Variants in SLC38A9 observed in about 807,000 individuals in gnomAD.
SLC38A9 encodes the protein neutral amino acid transporter 9.
A neutral mutation model predicts 62.3 loss-of-function variants in SLC38A9; 48 were observed. The ratio of observed to expected loss-of-function variants is 0.77; its 90% confidence interval spans 0.61 to 0.98. The LOEUF (loss-of-function observed/expected upper bound fraction) is 0.98, where lower values mean the gene tolerates loss of function less well. Ranked by LOEUF, SLC38A9 falls within the 50% of genes least tolerant of loss-of-function variation. The pLI is 0.00. For missense variants in SLC38A9, 541 were observed against 679.8 expected (o/e 0.80, Z 2.27); for synonymous variants, 204 against 227.7 (o/e 0.90, Z 0.94).
intron 3 of SLC38A9, chr5:55,673,228 C>G (rs986123379): frequency 4.6e-5 from 7 of 152,562 alleles, no homozygotes; most frequent in African/African-American, 1.7e-4. Context: ...ACTTATCCAA[C>G]TCAGTATAAA....
At chr5:55,630,714 T>C (rs1343867441) in intron 14 of SLC38A9, among the ~76,000 whole-genome samples, 1 of 152,220 alleles carries the variant, frequency 6.6e-6, no homozygotes, top group Non-Finnish European at 1.5e-5. Flanking sequence ...GATGTTTTCA[T>C]ACAGGCATGT....
In SLC38A9 at chr5:55,679,820, T is replaced by C. The variant is rs79288410; in HGVS notation, c.114-7125A>G. 7.7e-3 allele frequency among the ~76,000 whole-genome samples: 1,176 copies of C among 152,350 alleles called. 12 individuals are homozygous for C. Among genetic ancestry groups the C allele is most frequent in the African/African-American group, 0.026 (1,077 of 41,582 alleles). On this transcript the variant is annotated intron_variant, in intron 3 of 15. Transcript: ENST00000396865. ...ACATTCCACAAAGGAAAATTAGGAA[T>C]GTGGAAAAAATTCCCAAGTGGGAAA... is the stretch of plus-strand genomic sequence containing the variant.
chr5:55,628,619 T>G (rs934435938), intron 14 of SLC38A9, among the ~76,000 whole-genome samples: 4 of 152,222 alleles, frequency 2.6e-5, no homozygotes, highest in African/African-American at 7.2e-5. Context: ...TACTTTTATA[T>G]TAAACACATT....
chr5:55,680,716 C>T (rs1455555594), intron 3 of SLC38A9, among the ~76,000 whole-genome samples: 1 of 152,248 alleles, frequency 6.6e-6, no homozygotes, highest in Non-Finnish European at 1.5e-5. Flanking sequence ...TAGAAATCCT[C>T]ATCATAGCTC....
chr5:55,703,032 A>G (rs1481889839), intron 2 of SLC38A9: 1 of 152,312 alleles, frequency 6.6e-6, no homozygotes, highest in Non-Finnish European at 1.5e-5. Flanking sequence ...AGGGAGTGTG[A>G]TGGTAAAAAT....
chr5:55,707,281 A>T (rs534801821), intron 2 of SLC38A9, among the ~76,000 whole-genome samples: 1 of 152,318 alleles, frequency 6.6e-6, no homozygotes, highest in Non-Finnish European at 1.5e-5. Flanking sequence ...TTCCACAGCA[A>T]ATATTACATA....
chr5:55,682,026 G>C (rs1417795584), intron 3 of SLC38A9, among the ~76,000 whole-genome samples: 1 of 148,256 alleles, frequency 6.7e-6, no homozygotes, highest in Non-Finnish European at 1.5e-5. Flanking sequence ...ACCATCTTAA[G>C]GCCCCCTTAA....
chr5:55,672,467 A>G, intron 4 of SLC38A9, 96 bp downstream of exon 4: 1 of 1,387,212 alleles, frequency 7.2e-7, no homozygotes, highest in Admixed American at 2.0e-5. Context: ...AAATACAGTC[A>G]GAAAGAAGTT....
intron 7 of SLC38A9, among the ~76,000 whole-genome samples, chr5:55,666,258 T>C (rs1347572565): frequency 6.6e-6 from 1 of 152,208 alleles, no homozygotes; most frequent in Non-Finnish European, 1.5e-5. Context: ...TAAAACCATT[T>C]GCTTTTCCAT....
At chr5:55,699,276 C>G (rs1305342862) in intron 2 of SLC38A9, among the ~76,000 whole-genome samples, 2 of 152,054 alleles carry the variant, frequency 1.3e-5, no homozygotes, top group African/African-American at 4.8e-5. Context: ...AAAAAAACAC[C>G]CAAAACTACT....
intron 7 of SLC38A9, among the ~76,000 whole-genome samples, chr5:55,665,596 A>T (rs1365949362): frequency 1.3e-5 from 2 of 152,026 alleles, no homozygotes; most frequent in Non-Finnish European, 2.9e-5. Context: ...ATAATAAAAA[A>T]GTTAGAAAAC....
At position 55,692,677 on chromosome 5, in the gene SLC38A9, C is replaced by T. The variant is rs923634579; in HGVS notation, c.113+5169G>A. ...AGAAAATATATTGCCATTTAATCTA[C>T]GCAGTTAAACAAATTTACAGAGAAC... On this transcript the variant is annotated intron_variant, in intron 3 of 15. Coordinates refer to ENST00000396865, the MANE Select transcript of SLC38A9 (RefSeq NM_173514.4). 3.4e-5 allele frequency: 33 copies of T among 985,002 alleles called. No homozygotes were observed. The African/African-American group carries it at 3.8e-4, about 11-fold the overall frequency. 61.0% of individuals were successfully genotyped at this position (985,002 alleles called of 1,614,324 possible).
intron 15 of SLC38A9, among the ~76,000 whole-genome samples, chr5:55,626,938 T>A (rs1464492697): frequency 6.6e-6 from 1 of 152,200 alleles, no homozygotes; most frequent in Non-Finnish European, 1.5e-5. Context: ...TTGGTGATTG[T>A]GGCTACTTCC....
rs114247375 is a variant in SLC38A9 at position 55,680,604 on chromosome 5, G to A, written c.114-7909C>T. 9.6e-3 allele frequency among the ~76,000 whole-genome samples: 1,467 copies of A among 152,180 alleles called. 20 individuals are homozygous for A. Among genetic ancestry groups the A allele is most frequent in the African/African-American group, 0.034 (1,394 of 41,524 alleles). On this transcript the variant is annotated intron_variant, in intron 3 of 15. Coordinates refer to ENST00000396865, the MANE Select transcript of SLC38A9 (RefSeq NM_173514.4). ...AGACTTCTCAGCTTCCAGATTGTGAGAAATAAATTTCTGTTCTTTATAAAT... is the reference window on the plus strand; with the variant it reads ...AGACTTCTCAGCTTCCAGATTGTGAAAAATAAATTTCTGTTCTTTATAAAT...
chr5:55,643,045 T>C (rs547883160), intron 12 of SLC38A9, among the ~76,000 whole-genome samples: 2 of 152,358 alleles, frequency 1.3e-5, no homozygotes, highest in East Asian at 3.9e-4. Context: ...TTATGACTTT[T>C]GTTTACAAGG....
At chr5:55,641,884 A>G (rs910016106) in intron 12 of SLC38A9, among the ~76,000 whole-genome samples, 1 of 152,268 alleles carries the variant, frequency 6.6e-6, no homozygotes, top group Non-Finnish European at 1.5e-5. Flanking sequence ...AAGTACTAAT[A>G]GTTCAAATTC....
At chr5:55,675,690 T>C (rs1751996888) in intron 3 of SLC38A9, among the ~76,000 whole-genome samples, 1 of 152,194 alleles carries the variant, frequency 6.6e-6, no homozygotes. Flanking sequence ...ATATTTATGG[T>C]CATGCCACAG....
rs564177587 is a variant in SLC38A9, at chr5:55,633,625, G to C, written c.1430+129C>G. 18 of 1,230,266 alleles carry C rather than the reference G, an allele frequency of 1.5e-5. No homozygotes were observed. In the African/African-American group the frequency reaches 2.1e-4, roughly 14 times the overall value. The allele number at this position is 1,230,266 out of a possible 1,614,324, so 76.2% of individuals were successfully genotyped here. On this transcript the variant is annotated intron_variant, in intron 14 of 15. Coordinates refer to ENST00000396865, the MANE Select transcript of SLC38A9 (RefSeq NM_173514.4). ...GCTCTTCAGGGAAGAGGACACCAAT[G>C]ATCTATCTTTAGTCACCACTTGCAT...
chr5:55,662,541 A>G (rs1366874323), intron 8 of SLC38A9, among the ~76,000 whole-genome samples: 1 of 151,964 alleles, frequency 6.6e-6, no homozygotes, highest in African/African-American at 2.4e-5. Flanking sequence ...GTGGTGGTGC[A>G]CGCCTATGAT....
Sources: gnomAD v4.1 joint callset for allele counts (sites outside exome capture counted in the v4.1 genomes callset) on GRCh38, gnomAD v4.1.1 for gene constraint, MANE v1.5 for transcripts, NCBI Gene and HGNC (gene_info 2026-07-23, HGNC 2026-07-21) for gene names.